The following UBR2 variants were observed in gnomAD, a reference collection of about 807,000 sequenced individuals.
UBR2 encodes ubiquitin protein ligase E3 component n-recognin 2, also known as E3 ubiquitin-protein ligase UBR2.
Under a neutral mutation model 247.9 loss-of-function variants are expected in UBR2, and 92 were observed. That is an observed-to-expected ratio of 0.37 (90% CI 0.31 to 0.44). The LOEUF (loss-of-function observed/expected upper bound fraction) is 0.44. UBR2 is among the 20% of genes least tolerant of loss of function. The probability of loss-of-function intolerance (pLI) is 1.00; values close to 1 mark genes in which losing one functional copy is unlikely to be tolerated. For synonymous variants in UBR2, 672 were observed against 693.5 expected (o/e 0.97, Z 0.49); for missense variants, 1,613 against 2,112.6 (o/e 0.76, Z 4.64).
At chr6:42,636,927 C>CT in intron 14 of UBR2, 84 bp from the exon 15 acceptor site, 2 of 1,433,566 alleles carry the variant, frequency 1.4e-6, no homozygotes, top group Non-Finnish European at 1.9e-6. Flanking sequence ...ATTTGAGGTA[C>CT]TTACTCACTG....
chr6:42,594,259 C>G lies in UBR2; in HGVS notation c.486C>G (p.Tyr162Ter). ...GDTEAWKEGPYCQKHELNTSE... is the reference protein window; with the variant it reads ...GDTEAWKEGP ...CTGAAGCCTGGAAAGAGGGTCCTTA[C>G]TGTCAAAAACATGAACTTAACACCT... is the stretch of plus-strand genomic sequence containing the variant. The change falls in exon 4 of 47, where the codon TAC becomes TAG. Residue 162 changes from tyrosine to a stop codon, truncating the protein, a stop_gained. Transcript: ENST00000372901. LOFTEE classifies it high-confidence loss of function. The G allele has an allele frequency of 6.2e-7, 1 of 1,612,744 alleles. No homozygotes were observed. Among genetic ancestry groups the G allele is most frequent in the Non-Finnish European group, 8.5e-7 (1 of 1,179,106 alleles).
rs1798500632 is a variant in UBR2, at chr6:42,672,409, T to C, written c.4087-1382T>C. Among the ~76,000 whole-genome samples the C allele has an allele frequency of 2.6e-5, 4 of 152,182 alleles. No homozygotes were observed. In the Middle Eastern group the frequency reaches 0.014, roughly 518 times the overall value. ...GACAAATTCTCACCATTCCTTCTTC[T>C]ACTTGTTTGGTTCAGCCCCATATTA... On this transcript the variant is annotated intron_variant, in intron 36 of 46. Transcript: ENST00000372901.
At chr6:42,577,774 T>A (rs1791618314) in intron 2 of UBR2, among the ~76,000 whole-genome samples, 1 of 152,166 alleles carries the variant, frequency 6.6e-6, no homozygotes, top group African/African-American at 2.4e-5. Context: ...TAAAAACGTA[T>A]TACATGAATG....
At chr6:42,598,727 A>T (rs984011703) in intron 4 of UBR2, among the ~76,000 whole-genome samples, 1 of 152,170 alleles carries the variant, frequency 6.6e-6, no homozygotes, top group Non-Finnish European at 1.5e-5. Context: ...CCTGGTGTGA[A>T]TCTCATAACT....
intron 8 of UBR2, among the ~76,000 whole-genome samples, chr6:42,614,305 C>T (rs942840537): frequency 4.5e-5 from 3 of 66,326 alleles, no homozygotes; most frequent in South Asian, 4.7e-4. Flanking sequence ...CATATATGTG[C>T]GTATATGGGT....
chr6:42,635,567 G>C, intron 14 of UBR2, 21 bp downstream of exon 14: 1 of 1,591,628 alleles, frequency 6.3e-7, no homozygotes, highest in Non-Finnish European at 8.6e-7. Context: ...TCTGGGTGCG[G>C]GGAATAGGAG....
intron 11 of UBR2, among the ~76,000 whole-genome samples, chr6:42,627,286 C>T (rs187404774): frequency 1.3e-5 from 2 of 152,176 alleles, no homozygotes; most frequent in Non-Finnish European, 1.5e-5. Context: ...TGAAAAATAC[C>T]TCAAACACCA....
chr6:42,660,323 G>C (rs1229843982), intron 30 of UBR2, among the ~76,000 whole-genome samples: 1 of 152,140 alleles, frequency 6.6e-6, no homozygotes, highest in Non-Finnish European at 1.5e-5. Context: ...CCAGAAAGCA[G>C]ATTCTTGGGA....
intron 9 of UBR2, 92 bp downstream of exon 9, chr6:42,615,270 C>T (rs1282699535): frequency 3.2e-5 from 29 of 918,612 alleles, no homozygotes; most frequent in Non-Finnish European, 3.3e-5. Context: ...ATATTTAATA[C>T]ATATATTTGT....
chr6:42,667,969 G>A (rs1368899895), intron 34 of UBR2, among the ~76,000 whole-genome samples: 2 of 151,878 alleles, frequency 1.3e-5, no homozygotes, highest in African/African-American at 4.8e-5. Flanking sequence ...ATGTTGCCCA[G>A]GCTGGTCTCA....
intron 43 of UBR2, 59 bp downstream of exon 43, chr6:42,683,170 T>C (rs534278592): frequency 2.8e-5 from 40 of 1,409,868 alleles, no homozygotes; most frequent in African/African-American, 4.3e-5. Flanking sequence ...AATCAGGATA[T>C]AAGTGCTATA....
intron 42 of UBR2, among the ~76,000 whole-genome samples, chr6:42,680,698 ACTGAGTTAAATATATGG>A (rs1205859847): frequency 1.3e-5 from 2 of 152,230 alleles, no homozygotes; most frequent in Non-Finnish European, 2.9e-5. Flanking sequence ...CAAGTTAGTG[ACTGAGTTAAATATATGG>A]CTGTTCTGTC....
chr6:42,691,461 C>G lies in UBR2; in HGVS notation c.*288C>G, dbSNP rs1402025867. On this transcript the variant is annotated 3_prime_UTR_variant, in exon 47 of 47. Transcript: ENST00000372901. ...CTTTGTGGGGGTCTGACTGCATAGT[C>G]CCAGCCATTATGTGATATTTCACGT... is the stretch of plus-strand genomic sequence containing the variant. 5.0e-6 allele frequency: 2 copies of G among 397,298 alleles called. No individual in the cohort carries two copies. The highest frequency in any genetic ancestry group is 4.2e-5 in the African/African-American group (2 of 48,174). The allele number at this position is 397,298 out of a possible 1,614,324, so 24.6% of individuals were successfully genotyped here.
At chr6:42,570,394 G>A (rs1791039070) in intron 1 of UBR2, among the ~76,000 whole-genome samples, 1 of 151,636 alleles carries the variant, frequency 6.6e-6, no homozygotes, top group African/African-American at 2.4e-5. Flanking sequence ...CACCACTCCT[G>A]GCTAATTTTT....
intron 15 of UBR2, 102 bp downstream of exon 15, chr6:42,637,296 G>A (rs1002751411): frequency 8.0e-7 from 1 of 1,250,510 alleles, no homozygotes; most frequent in South Asian, 1.5e-5. Context: ...GTTATTCTGT[G>A]ATTTCTACAT....
intron 11 of UBR2, among the ~76,000 whole-genome samples, chr6:42,624,086 C>T (rs539411068): frequency 6.6e-6 from 1 of 151,992 alleles, no homozygotes; most frequent in African/African-American, 2.4e-5. Flanking sequence ...ATTCTGTTTT[C>T]TGGAAAATTT....
At chr6:42,571,132 A>G (rs900823413) in intron 1 of UBR2, among the ~76,000 whole-genome samples, 1 of 150,318 alleles carries the variant, frequency 6.7e-6, no homozygotes, top group Non-Finnish European at 1.5e-5. Flanking sequence ...AGTCCCAGCT[A>G]CTTGGGAGGC....
chr6:42,631,907 T>TTA (rs1554254820), intron 11 of UBR2, among the ~76,000 whole-genome samples: 3 of 128,314 alleles, frequency 2.3e-5, no homozygotes, highest in South Asian at 4.9e-4. Context: ...GGTTCTGTAA[T>TTA]TATATATATA....
In UBR2 at chr6:42,665,523, G is replaced by T; in HGVS notation, c.3802+11G>T. 1 of 1,580,982 alleles carries T rather than the reference G, an allele frequency of 6.3e-7. No individual in the cohort carries two copies. Among genetic ancestry groups the T allele is most frequent in the Admixed American group, 1.7e-5 (1 of 57,232 alleles). ...AAGAAAGTACTCCTAGTAAGTTCTG[G>T]TAACCTGTTTTCATTTTTCCCTAAA... On this transcript the variant is annotated intron_variant, in intron 33 of 46. Coordinates refer to ENST00000372901, the MANE Select transcript of UBR2 (RefSeq NM_001363705.2).
Sources: allele counts gnomAD v4.1 joint callset (sites outside exome capture counted in the v4.1 genomes callset), GRCh38; gene constraint gnomAD v4.1.1; transcripts MANE v1.5; gene names NCBI Gene and HGNC (gene_info 2026-07-23, HGNC 2026-07-21).